Variants in CFAP299 observed in about 807,000 individuals in gnomAD.
The protein encoded by CFAP299 is cilia and flagella associated protein 299.
CFAP299 carries 21 observed loss-of-function variants against 27.0 expected under a neutral mutation model. That is an observed-to-expected ratio of 0.78 (90% CI 0.55 to 1.12). The LOEUF (loss-of-function observed/expected upper bound fraction) is 1.12. Among genes scored for constraint, CFAP299 ranks in the 50% most tolerant of loss-of-function variants. The pLI, the probability that CFAP299 is intolerant of heterozygous loss-of-function variation, is 0.00. For synonymous variants in CFAP299, 104 were observed against 98.1 expected (o/e 1.06, Z -0.36); for missense variants, 310 against 276.6 (o/e 1.12, Z -0.86).
At chr4:80,768,412 A>G (rs1397182002) in intron 3 of CFAP299, among the ~76,000 whole-genome samples, 1 of 152,226 alleles carries the variant, frequency 6.6e-6, no homozygotes. Flanking sequence ...TCCATCAAAC[A>G]CATAACATAT....
chr4:80,595,869 AG>A (rs374331258), intron 3 of CFAP299, among the ~76,000 whole-genome samples: 5 of 152,200 alleles, frequency 3.3e-5, no homozygotes, highest in African/African-American at 1.2e-4. Context: ...ATATTTGAGG[AG>A]GAGGAACGTT....
At chr4:80,330,121 A>C in the CFAP299 span, among the ~76,000 whole-genome samples, 1 of 152,240 alleles carries the variant, frequency 6.6e-6, no homozygotes, top group South Asian at 2.1e-4. Context: ...CAGGGTAAAA[A>C]GTGTGCAATA....
At chr4:80,817,894 A>G (rs967528485) in intron 3 of CFAP299, among the ~76,000 whole-genome samples, 1 of 151,526 alleles carries the variant, frequency 6.6e-6, no homozygotes, top group Non-Finnish European at 1.5e-5. Context: ...AGTTTGTTAC[A>G]TAGGTAAACT....
At chr4:80,705,805 C>A (rs756995262) in intron 3 of CFAP299, among the ~76,000 whole-genome samples, 3 of 151,814 alleles carry the variant, frequency 2.0e-5, no homozygotes, top group Non-Finnish European at 4.4e-5. Flanking sequence ...ACCTACTCAA[C>A]GGTATTACTG....
At chr4:80,894,254 A>G (rs535607644) in intron 4 of CFAP299, among the ~76,000 whole-genome samples, 1 of 152,082 alleles carries the variant, frequency 6.6e-6, no homozygotes, top group African/African-American at 2.4e-5. Flanking sequence ...GAATCTTTGT[A>G]CATTATGAAG....
intron 2 of CFAP299, among the ~76,000 whole-genome samples, chr4:80,567,783 C>A (rs969707064): frequency 6.7e-6 from 1 of 149,782 alleles, no homozygotes; most frequent in Admixed American, 6.7e-5. Context: ...TAAATACAAA[C>A]GAAAAGTTGT....
At chr4:80,693,206 C>T (rs1348109985) in intron 3 of CFAP299, among the ~76,000 whole-genome samples, 2 of 152,008 alleles carry the variant, frequency 1.3e-5, no homozygotes, top group Non-Finnish European at 2.9e-5. Flanking sequence ...GGTATATACC[C>T]AAAGGACTAT....
At chr4:80,354,631 C>T (rs1179984276) in intron 1 of CFAP299, among the ~76,000 whole-genome samples, 1 of 152,028 alleles carries the variant, frequency 6.6e-6, no homozygotes, top group Non-Finnish European at 1.5e-5. Flanking sequence ...GGTATTAAAC[C>T]TAGTACCCAT....
intron 3 of CFAP299, among the ~76,000 whole-genome samples, chr4:80,646,823 T>A (rs1740032704): frequency 6.6e-6 from 1 of 152,180 alleles, no homozygotes; most frequent in Middle Eastern, 3.2e-3. Context: ...TATTTAGTTG[T>A]GCTAATGAGG....
intron 4 of CFAP299, among the ~76,000 whole-genome samples, chr4:80,905,693 G>A (rs1735148175): frequency 6.6e-6 from 1 of 152,082 alleles, no homozygotes; most frequent in Non-Finnish European, 1.5e-5. Flanking sequence ...TCTTCACATG[G>A]CAGCAGTAAG....
intron 2 of CFAP299, among the ~76,000 whole-genome samples, chr4:80,456,170 C>A (rs1729143332): frequency 6.6e-6 from 1 of 151,908 alleles, no homozygotes; most frequent in Non-Finnish European, 1.5e-5. Context: ...TTGGACACAG[C>A]AAGGAGGTGA....
At chr4:80,387,204 C>T (rs777720250) in intron 2 of CFAP299, 22 of 1,381,626 alleles carry the variant, frequency 1.6e-5, no homozygotes, top group Middle Eastern at 1.8e-4. Flanking sequence ...TACTGGTGCA[C>T]GCTCAGGTCG....
intron 1 of CFAP299, among the ~76,000 whole-genome samples, chr4:80,343,894 C>T (rs1216103640): frequency 1.3e-5 from 2 of 149,382 alleles, no homozygotes; most frequent in African/African-American, 2.5e-5. Flanking sequence ...TTTTGAATGA[C>T]TCCTGGGTGA....
chr4:80,581,068 C>A (rs569000819), intron 2 of CFAP299, among the ~76,000 whole-genome samples: 2 of 151,836 alleles, frequency 1.3e-5, no homozygotes, highest in African/African-American at 4.8e-5. Flanking sequence ...ATAACCTAAC[C>A]ACTGTTGATT....
chr4:80,414,293 A>G (rs1213535808), intron 2 of CFAP299, among the ~76,000 whole-genome samples: 1 of 151,514 alleles, frequency 6.6e-6, no homozygotes. Flanking sequence ...GATGGTCTCG[A>G]TCTCCTGACC....
At chr4:80,323,863 T>G in the CFAP299 span, among the ~76,000 whole-genome samples, 1 of 152,230 alleles carries the variant, frequency 6.6e-6, no homozygotes, top group Non-Finnish European at 1.5e-5. Flanking sequence ...ACACAAGTTT[T>G]AGGTTAATTA....
At chr4:80,608,854 A>G (rs1005586489) in intron 3 of CFAP299, among the ~76,000 whole-genome samples, 2 of 75,556 alleles carry the variant, frequency 2.6e-5, no homozygotes, top group African/African-American at 8.6e-5. Flanking sequence ...TAAAGCTTAC[A>G]CGATGCATGT....
chr4:80,473,728 A>T (rs1427221103), intron 2 of CFAP299, among the ~76,000 whole-genome samples: 1 of 151,870 alleles, frequency 6.6e-6, no homozygotes, highest in Non-Finnish European at 1.5e-5. Context: ...GCACCACCAC[A>T]CCTGGCTAAT....
chr4:80,334,981 T>G (rs1722066155), upstream of CFAP299, among the ~76,000 whole-genome samples: 1 of 152,232 alleles, frequency 6.6e-6, no homozygotes, highest in Non-Finnish European at 1.5e-5. Context: ...CAAAGATTGG[T>G]TCTGAACATA....
Sources: gnomAD v4.1 joint callset for allele counts (sites outside exome capture counted in the v4.1 genomes callset) on GRCh38, gnomAD v4.1.1 for gene constraint, MANE v1.5 for transcripts, NCBI Gene and HGNC (gene_info 2026-07-23, HGNC 2026-07-21) for gene names.